The following MAST4 variants were observed in gnomAD, a reference collection of about 807,000 sequenced individuals.
MAST4 encodes microtubule-associated serine/threonine-protein kinase 4.
Under a neutral mutation model 162.7 loss-of-function variants are expected in MAST4, and 89 were observed. The ratio of observed to expected loss-of-function variants is 0.55; its 90% CI spans 0.46 to 0.65. The LOEUF is 0.65. Ranked by LOEUF, MAST4 falls within the 30% of genes least tolerant of loss-of-function variation. The pLI is 0.00. For missense variants in MAST4, 3,153 were observed against 3,374.0 expected, an observed-to-expected ratio of 0.93 and a Z score of 1.62; for synonymous variants, 1,479 against 1,361.1, an observed-to-expected ratio of 1.09 and a Z score of -1.91.
intron 2 of MAST4, among the ~76,000 whole-genome samples, chr5:66,780,717 A>G (rs1169792747): frequency 6.6e-6 from 1 of 151,888 alleles, no homozygotes; most frequent in Non-Finnish European, 1.5e-5. Flanking sequence ...CAGAGTGCTG[A>G]TTTGTCCATT....
chr5:66,725,352 C>T (rs1751448026), intron 1 of MAST4, among the ~76,000 whole-genome samples: 3 of 151,832 alleles, frequency 2.0e-5, no homozygotes, highest in African/African-American at 7.3e-5. Context: ...TTAAAATGAT[C>T]ATAAATATTG....
chr5:67,146,619 A>G (rs1771113976), intron 23 of MAST4, among the ~76,000 whole-genome samples: 1 of 152,180 alleles, frequency 6.6e-6, no homozygotes, highest in African/African-American at 2.4e-5. Flanking sequence ...CATTTCAGGA[A>G]AAATTTTATG....
chr5:66,783,793 A>G (rs74639963), intron 2 of MAST4, among the ~76,000 whole-genome samples: 2,362 of 152,198 alleles, frequency 0.016, 58 homozygotes, highest in African/African-American at 0.053. Flanking sequence ...GTGAGACGTA[A>G]CAAAACTGCA....
At chr5:66,779,332 T>C (rs1580430179) in intron 2 of MAST4, among the ~76,000 whole-genome samples, 1 of 152,244 alleles carries the variant, frequency 6.6e-6, no homozygotes, top group African/African-American at 2.4e-5. Flanking sequence ...CAGTGATGTC[T>C]TTGAGCACTT....
At chr5:67,161,473 A>G (rs555417487) in intron 27 of MAST4, among the ~76,000 whole-genome samples, 1 of 152,362 alleles carries the variant, frequency 6.6e-6, no homozygotes, top group East Asian at 1.9e-4. Flanking sequence ...AAAAGGGGAA[A>G]TATATTTGGT....
At chr5:66,992,879 A>G in intron 4 of MAST4, among the ~76,000 whole-genome samples, 1 of 152,134 alleles carries the variant, frequency 6.6e-6, no homozygotes, top group East Asian at 1.9e-4. Flanking sequence ...GCAAACCTTG[A>G]GCACTGTTGA....
At chr5:66,612,795 T>G (rs1743380068) in intron 1 of MAST4, among the ~76,000 whole-genome samples, 2 of 152,342 alleles carry the variant, frequency 1.3e-5, no homozygotes, top group Non-Finnish European at 1.5e-5. Flanking sequence ...GTATCAGATT[T>G]AAATTATTTG....
intron 3 of MAST4, among the ~76,000 whole-genome samples, chr5:66,896,625 G>A (rs895998224): frequency 6.6e-6 from 1 of 152,222 alleles, no homozygotes; most frequent in African/African-American, 2.4e-5. Flanking sequence ...CGTGCGGCAT[G>A]TATAGCCATA....
intron 3 of MAST4, among the ~76,000 whole-genome samples, chr5:66,844,493 G>A (rs190208976): frequency 5.9e-5 from 9 of 152,024 alleles, no homozygotes; most frequent in Admixed American, 1.3e-4. Flanking sequence ...TAGCTCTATG[G>A]GGTCATCATT....
intron 1 of MAST4, among the ~76,000 whole-genome samples, chr5:66,734,772 G>A (rs903221084): frequency 1.3e-5 from 2 of 152,218 alleles, no homozygotes; most frequent in East Asian, 1.9e-4. Flanking sequence ...CATGTGGTTG[G>A]TGGCCACTGT....
intron 1 of MAST4, among the ~76,000 whole-genome samples, chr5:66,675,142 C>T (rs114102145): frequency 2.4e-4 from 36 of 152,310 alleles, no homozygotes; most frequent in African/African-American, 8.7e-4. Flanking sequence ...TACATAGGCA[C>T]ACCTATTTGC....
chr5:67,078,633 TTTATA>T (rs1761974849), intron 5 of MAST4, among the ~76,000 whole-genome samples: 2 of 141,636 alleles, frequency 1.4e-5, no homozygotes, highest in Non-Finnish European at 3.0e-5. Flanking sequence ...TATATTTATA[TTTATA>T]TTTATATCTT....
At chr5:66,686,935 T>A (rs1295471733) in intron 1 of MAST4, among the ~76,000 whole-genome samples, 1 of 152,160 alleles carries the variant, frequency 6.6e-6, no homozygotes, top group South Asian at 2.1e-4. Context: ...TTAAAAAAAT[T>A]TATTTCTAGG....
chr5:66,968,030 G>A (rs1360992349), intron 4 of MAST4, among the ~76,000 whole-genome samples: 1 of 152,134 alleles, frequency 6.6e-6, no homozygotes, highest in Middle Eastern at 3.2e-3. Flanking sequence ...TGATTAGATA[G>A]CAAGATTCCA....
chr5:66,863,972 T>G (rs36158), intron 3 of MAST4, among the ~76,000 whole-genome samples: 82,745 of 151,372 alleles, frequency 0.55, 23,621 homozygotes, highest in Non-Finnish European at 0.64. Context: ...ATGTGTGTTT[T>G]GCAGGAATCC....
At chr5:67,019,748 A>G (rs1753746281) in intron 4 of MAST4, among the ~76,000 whole-genome samples, 1 of 152,214 alleles carries the variant, frequency 6.6e-6, no homozygotes, top group Admixed American at 6.5e-5. Context: ...CCTGTCATGG[A>G]CTAAAATATA....
rs940935784 is a variant in MAST4, at chr5:66,974,295, G to A, written c.674+74313G>A. Among the ~76,000 whole-genome samples, 7 of 152,260 alleles carry A rather than the reference G, an allele frequency of 4.6e-5. No individual in the cohort carries two copies. The East Asian group carries it at 1.3e-3, about 29-fold the overall frequency. On this transcript the variant is annotated intron_variant, in intron 4 of 28. Coordinates refer to ENST00000403625, the MANE Select transcript of MAST4 (RefSeq NM_001164664.2). The stretch of plus-strand genomic sequence containing the variant: ...GGTTATCATTGAGTCCCTAGTATCT[G>A]GCACATAATGTGACCTCAACAACTA...
chr5:66,754,521 G>A (rs1753406170), intron 1 of MAST4, among the ~76,000 whole-genome samples: 1 of 151,972 alleles, frequency 6.6e-6, no homozygotes, highest in Non-Finnish European at 1.5e-5. Flanking sequence ...AATAATTAAA[G>A]CCCTTTATGG....
At chr5:66,916,986 A>G in intron 4 of MAST4, 3 of 718,142 alleles carry the variant, frequency 4.2e-6, no homozygotes, top group Non-Finnish European at 7.8e-6. Context: ...CCTATAGGAT[A>G]GATTCCCAGA....
Sources: gnomAD v4.1 joint callset for allele counts (sites outside exome capture counted in the v4.1 genomes callset) on GRCh38, gnomAD v4.1.1 for gene constraint, MANE v1.5 for transcripts, NCBI Gene and HGNC (gene_info 2026-07-23, HGNC 2026-07-21) for gene names.